ATRNL1: variants seen among roughly 807,000 people sequenced by gnomAD.
ATRNL1 encodes the protein attractin-like protein 1.
Under a neutral mutation model 182.7 loss-of-function variants are expected in ATRNL1, and 95 were observed. The ratio of observed to expected loss-of-function variants is 0.52; its 90% CI spans 0.44 to 0.62. The LOEUF is 0.62. Ranked by LOEUF, ATRNL1 falls within the 20% of genes least tolerant of loss-of-function variation. ATRNL1 has a pLI of 0.00. For synonymous variants in ATRNL1, 576 were observed against 568.3 expected, an observed-to-expected ratio of 1.01 and a Z score of -0.19; for missense variants, 1,471 against 1,679.5, an observed-to-expected ratio of 0.88 and a Z score of 2.17.
At chr10:115,910,226 G>A (rs1474462988) in intron 28 of ATRNL1, among the ~76,000 whole-genome samples, 1 of 152,188 alleles carries the variant, frequency 6.6e-6, no homozygotes, top group African/African-American at 2.4e-5. Context: ...CAAGGTCAGA[G>A]GAAAGGGGCT....
chr10:115,540,257 T>C (rs1592819183), intron 25 of ATRNL1, among the ~76,000 whole-genome samples: 2 of 152,012 alleles, frequency 1.3e-5, no homozygotes, highest in Non-Finnish European at 2.9e-5. Flanking sequence ...ACTGAGCTCA[T>C]AGATAGAACT....
intron 26 of ATRNL1, among the ~76,000 whole-genome samples, chr10:115,647,030 C>G (rs1555032772): frequency 6.7e-6 from 1 of 148,540 alleles, no homozygotes; most frequent in Non-Finnish European, 1.5e-5. Flanking sequence ...CAATTCCCAC[C>G]TATGAGTGAG....
chr10:115,375,362 T>C (rs1355490099), intron 19 of ATRNL1, among the ~76,000 whole-genome samples: 4 of 152,036 alleles, frequency 2.6e-5, no homozygotes, highest in Admixed American at 2.6e-4. Context: ...ATGCCTTTAA[T>C]ATTAAAGTTT....
At chr10:115,199,205 C>T (rs563373495) in intron 8 of ATRNL1, among the ~76,000 whole-genome samples, 12 of 151,930 alleles carry the variant, frequency 7.9e-5, no homozygotes, top group Admixed American at 5.9e-4. Flanking sequence ...TTTCATTGTA[C>T]AGATCTTTCA....
intron 24 of ATRNL1, among the ~76,000 whole-genome samples, chr10:115,486,133 T>A (rs190980311): frequency 9.8e-5 from 15 of 152,296 alleles, no homozygotes; most frequent in Admixed American, 9.2e-4. Context: ...ATTTTCTTTG[T>A]CCAGTCTATC....
At chr10:115,591,306 T>C (rs1855888598) in intron 26 of ATRNL1, among the ~76,000 whole-genome samples, 3 of 151,982 alleles carry the variant, frequency 2.0e-5, no homozygotes, top group African/African-American at 7.3e-5. Flanking sequence ...GAAAATGGGG[T>C]TTATGACACA....
intron 8 of ATRNL1, 40 bp downstream of exon 8, chr10:115,171,332 A>T: frequency 1.3e-6 from 2 of 1,488,118 alleles, no homozygotes; most frequent in South Asian, 2.7e-5. Flanking sequence ...ATTGATTGGG[A>T]ATGTTTTTCT....
intron 28 of ATRNL1, among the ~76,000 whole-genome samples, chr10:115,864,197 T>C (rs1281174519): frequency 1.3e-5 from 2 of 151,008 alleles, no homozygotes; most frequent in Non-Finnish European, 2.9e-5. Context: ...AGATTGAGGC[T>C]GCAGTAAGCT....
At chr10:115,218,094 C>A (rs1716001324) in intron 9 of ATRNL1, among the ~76,000 whole-genome samples, 1 of 151,744 alleles carries the variant, frequency 6.6e-6, no homozygotes. Flanking sequence ...ATTTTTATTA[C>A]ATTATAATAT....
In ATRNL1 at chr10:115,355,091, A is replaced by G. The variant is rs2134136789; in HGVS notation, c.3175+20672A>G. On this transcript the variant is annotated intron_variant, in intron 19 of 28. Transcript: ENST00000355044. Reference sequence around the variant, plus strand: ...TGTTTTCTCAAAACAGGTGTATTGAATTCTTTGTCTGAGAATATATGTATC... The same window carrying G: ...TGTTTTCTCAAAACAGGTGTATTGAGTTCTTTGTCTGAGAATATATGTATC... Among the ~76,000 whole-genome samples the G allele has an allele frequency of 1.3e-5, 2 of 151,776 alleles. 1 individual carries two copies. Among genetic ancestry groups the G allele is most frequent in the South Asian group, 4.1e-4 (2 of 4,826 alleles).
chr10:115,258,630 T>A (rs1851262383), intron 10 of ATRNL1, among the ~76,000 whole-genome samples: 1 of 152,208 alleles, frequency 6.6e-6, no homozygotes, highest in Non-Finnish European at 1.5e-5. Flanking sequence ...CTTGTCAAAG[T>A]CATTCTCCAT....
chr10:115,188,708 A>G (rs562722219), intron 8 of ATRNL1, among the ~76,000 whole-genome samples: 1 of 145,014 alleles, frequency 6.9e-6, no homozygotes, highest in Non-Finnish European at 1.5e-5. Flanking sequence ...TATTGATACT[A>G]TGAGTTTCTC....
intron 8 of ATRNL1, among the ~76,000 whole-genome samples, chr10:115,186,622 CACTT>C (rs1262187067): frequency 7.9e-5 from 12 of 152,070 alleles, no homozygotes; most frequent in Non-Finnish European, 1.3e-4. Context: ...TGCATGTTCT[CACTT>C]ATTTGTGGGA....
At chr10:115,489,562 T>G (rs116044857) in intron 24 of ATRNL1, among the ~76,000 whole-genome samples, 5,597 of 152,278 alleles carry the variant, frequency 0.037, 307 homozygotes, top group African/African-American at 0.13. Flanking sequence ...GCCCCTTTTT[T>G]GCTTTCCATT....
At chr10:115,651,759 T>A (rs1860021019) in intron 26 of ATRNL1, among the ~76,000 whole-genome samples, 1 of 152,194 alleles carries the variant, frequency 6.6e-6, no homozygotes, top group Non-Finnish European at 1.5e-5. Flanking sequence ...GAAGATGCAA[T>A]GATACCTTTG....
intron 28 of ATRNL1, among the ~76,000 whole-genome samples, chr10:115,865,044 C>T (rs1471445475): frequency 1.3e-5 from 2 of 150,470 alleles, no homozygotes; most frequent in East Asian, 3.9e-4. Context: ...CAAAACAAAA[C>T]CACCAAAACT....
chr10:115,270,359 A>AAATATATAAATCTTTCATATAT (rs200573250), intron 13 of ATRNL1, among the ~76,000 whole-genome samples: 1 of 141,936 alleles, frequency 7.0e-6, no homozygotes, highest in Admixed American at 7.2e-5. Flanking sequence ...ATATATAAAC[A>AAATATATAAATCTTTCATATAT]AATATATAAA....
chr10:115,788,644 C>T (rs1555080974), intron 27 of ATRNL1, among the ~76,000 whole-genome samples: 1 of 152,160 alleles, frequency 6.6e-6, no homozygotes, highest in Non-Finnish European at 1.5e-5. Flanking sequence ...CGGCTAATTA[C>T]AAGAATGAAA....
intron 27 of ATRNL1, among the ~76,000 whole-genome samples, chr10:115,740,956 G>A (rs1555067496): frequency 6.6e-6 from 1 of 151,842 alleles, no homozygotes; most frequent in Admixed American, 6.6e-5. Flanking sequence ...ACTCATCCCA[G>A]CACATTTTGG....
Sources: allele counts gnomAD v4.1 joint callset (sites outside exome capture counted in the v4.1 genomes callset), GRCh38; gene constraint gnomAD v4.1.1; transcripts MANE v1.5; gene names NCBI Gene and HGNC (gene_info 2026-07-23, HGNC 2026-07-21).